FRZB: variants seen among roughly 807,000 people sequenced by gnomAD.
FRZB encodes the protein frizzled related protein, also known as secreted frizzled-related protein 3.
In FRZB, 34 loss-of-function variants were observed where a neutral mutation model predicts 32.5. That is an observed-to-expected ratio of 1.05 (90% CI 0.80 to 1.39). The LOEUF (loss-of-function observed/expected upper bound fraction) is 1.39. FRZB is among the 40% of genes most tolerant of loss of function. The pLI, the probability that FRZB is intolerant of heterozygous loss-of-function variation, is 0.00. For missense variants in FRZB, 423 were observed against 424.8 expected, an observed-to-expected ratio of 1.00 and a Z score of 0.04; for synonymous variants, 170 against 159.2, an observed-to-expected ratio of 1.07 and a Z score of -0.51.
chr2:182,849,227 A>AAAATAAAT (rs61703753), intron 2 of FRZB, among the ~76,000 whole-genome samples: 321 of 146,548 alleles, frequency 2.2e-3, no homozygotes, highest in South Asian at 4.9e-3. Context: ...ACTCCGTCTC[A>AAAATAAAT]AAATAAATAA....
chr2:182,838,364 A>G, intron 4 of FRZB, 45 bp downstream of exon 4: 1 of 1,480,610 alleles, frequency 6.8e-7, no homozygotes, highest in Non-Finnish European at 9.4e-7. Flanking sequence ...TAATGAGAGT[A>G]GGATAAGCAA....
intron 2 of FRZB, among the ~76,000 whole-genome samples, chr2:182,846,245 G>A (rs1016414485): frequency 1.3e-5 from 2 of 152,178 alleles, no homozygotes; most frequent in Non-Finnish European, 2.9e-5. Flanking sequence ...ATGCAACATT[G>A]TTTGAGTTCA....
intron 1 of FRZB, among the ~76,000 whole-genome samples, chr2:182,860,864 CA>C (rs796422085): frequency 0.14 from 9,833 of 69,116 alleles, 276 homozygotes; most frequent in Middle Eastern, 0.23. Flanking sequence ...GAGACTGTCT[CA>C]AAAAAAAAAA....
At chr2:182,847,719 T>C (rs1695661470) in intron 2 of FRZB, among the ~76,000 whole-genome samples, 1 of 152,212 alleles carries the variant, frequency 6.6e-6, no homozygotes, top group African/African-American at 2.4e-5. Flanking sequence ...AATGAGGGGC[T>C]ACGAAAAGCA....
intron 2 of FRZB, among the ~76,000 whole-genome samples, chr2:182,855,297 A>T (rs1695756125): frequency 6.6e-6 from 1 of 152,182 alleles, no homozygotes; most frequent in Non-Finnish European, 1.5e-5. Flanking sequence ...ACACATGAAG[A>T]TGTAGAGAAA....
At chr2:182,860,243 A>C (rs1695816110) in intron 1 of FRZB, among the ~76,000 whole-genome samples, 3 of 152,202 alleles carry the variant, frequency 2.0e-5, no homozygotes, top group African/African-American at 7.2e-5. Flanking sequence ...GAAAACAAAA[A>C]TTTTCTAATA....
At chr2:182,838,728 G>A (rs1480762848) in intron 3 of FRZB, 115 bp from the exon 4 acceptor site, 17 of 810,390 alleles carry the variant, frequency 2.1e-5, no homozygotes, top group South Asian at 3.5e-5. Flanking sequence ...GATATTCAAC[G>A]AATGGAACAG....
At chr2:182,835,227 T>C (rs6725678) in intron 5 of FRZB, among the ~76,000 whole-genome samples, 12,707 of 152,136 alleles carry the variant, frequency 0.084, 1,080 homozygotes, top group African/African-American at 0.22. Context: ...TCCATGTCTA[T>C]AAATGATGAC....
In FRZB at chr2:182,866,246, C is replaced by G. The variant is rs1382959784; in HGVS notation, c.307G>C (p.Glu103Gln). The change falls in exon 1 of 6, where the codon GAG becomes CAG. Residue 103 changes from glutamate (E) to glutamine (Q), a missense_variant. Physicochemically the swap from Glu to Gln is conservative, Grantham distance 29. Coordinates refer to ENST00000295113, the MANE Select transcript of FRZB (RefSeq NM_001463.4). This position sits in a 1 kb window ranked among gnomAD's most constrained non-coding sequence, Gnocchi z 4.5. ...APICTIDFQH[E>Q]PIKPCKSVCE... ...ACAGACTTACAGGGCTTGATGGGCT[C>G]GTGCTGGAAGTCAATGGTGCAGATG... The G allele has an allele frequency of 2.5e-6, 4 of 1,614,136 alleles. No individual in the cohort carries two copies. Among genetic ancestry groups the G allele is most frequent in the African/African-American group, 1.3e-5 (1 of 75,026 alleles).
chr2:182,861,023 A>C (rs940844803), intron 1 of FRZB, among the ~76,000 whole-genome samples: 10 of 152,220 alleles, frequency 6.6e-5, no homozygotes, highest in African/African-American at 2.2e-4. Context: ...GACTAGGGAC[A>C]TGAGAATCTG....
intron 1 of FRZB, among the ~76,000 whole-genome samples, chr2:182,860,541 G>C (rs979229374): frequency 5.9e-5 from 9 of 152,004 alleles, no homozygotes; most frequent in African/African-American, 2.2e-4. Flanking sequence ...GATACCTATT[G>C]AGTGAGGGGA....
chr2:182,849,814 A>G (rs1241409321), intron 2 of FRZB, among the ~76,000 whole-genome samples: 1 of 152,258 alleles, frequency 6.6e-6, no homozygotes, highest in Non-Finnish European at 1.5e-5. Context: ...TGCCTTTCAC[A>G]AGTTTTCTGC....
chr2:182,863,857 G>A (rs1167147291), intron 1 of FRZB, among the ~76,000 whole-genome samples: 3 of 151,158 alleles, frequency 2.0e-5, no homozygotes, highest in Non-Finnish European at 3.0e-5. Flanking sequence ...CTGGAAGCCA[G>A]GAGACCCTTC....
chr2:182,854,519 G>A (rs75865269), intron 2 of FRZB, among the ~76,000 whole-genome samples: 4,531 of 152,266 alleles, frequency 0.03, 85 homozygotes, highest in Non-Finnish European at 0.041. Flanking sequence ...CAAGCATTTT[G>A]CAGACAGAGT....
intron 2 of FRZB, among the ~76,000 whole-genome samples, chr2:182,856,210 A>G (rs1043357983): frequency 6.6e-6 from 1 of 152,036 alleles, no homozygotes; most frequent in African/African-American, 2.4e-5. Flanking sequence ...GAAGTATGGA[A>G]TGTTGGAAAA....
At chr2:182,864,265 C>A (rs2105765863) in intron 1 of FRZB, among the ~76,000 whole-genome samples, 1 of 152,312 alleles carries the variant, frequency 6.6e-6, no homozygotes, top group East Asian at 1.9e-4. Flanking sequence ...TCTAGGTCCA[C>A]CTCTAAGGGA....
chr2:182,859,509 C>T (rs1322730314), intron 1 of FRZB, among the ~76,000 whole-genome samples: 1 of 152,084 alleles, frequency 6.6e-6, no homozygotes, highest in African/African-American at 2.4e-5. Context: ...AGCGGAACAC[C>T]GTGCTGAGAG....
chr2:182,853,961 T>C (rs1695737992), intron 2 of FRZB, among the ~76,000 whole-genome samples: 1 of 152,190 alleles, frequency 6.6e-6, no homozygotes, highest in Admixed American at 6.5e-5. Context: ...CATTCAATGA[T>C]AGAATACAAT....
Position 182,863,768 on chromosome 2 carries a change from C to T in FRZB, c.478+2307G>A, listed in dbSNP as rs554213740. On this transcript the variant is annotated intron_variant, in intron 1 of 5. Coordinates refer to ENST00000295113, the MANE Select transcript of FRZB (RefSeq NM_001463.4). ...ATTGCATGGTAAATTACACTGGCCA[C>T]ATGTGGTAGTTCCTAAGTAATTCCA... Among the ~76,000 whole-genome samples, 30 of 152,312 alleles carry T rather than the reference C, an allele frequency of 2.0e-4. No individual in the cohort carries two copies. In the South Asian group the frequency reaches 2.3e-3, roughly 12 times the overall value.
Sources: gnomAD v4.1 joint callset for allele counts (sites outside exome capture counted in the v4.1 genomes callset) on GRCh38, gnomAD v4.1.1 for gene constraint, Gnocchi (gnomAD v3.1) non-coding constraint, MANE v1.5 for transcripts, NCBI Gene and HGNC (gene_info 2026-07-23, HGNC 2026-07-21) for gene names.